The following FHOD3 variants were observed in gnomAD, a reference collection of about 807,000 sequenced individuals.
FHOD3 encodes the protein formin homology 2 domain containing 3.
In FHOD3, 90 loss-of-function variants were observed where a neutral mutation model predicts 173.0. That is an observed-to-expected ratio of 0.52 (90% confidence interval 0.44 to 0.62). The LOEUF (loss-of-function observed/expected upper bound fraction) is 0.62. Among genes scored for constraint, FHOD3 ranks in the 20% least tolerant of loss-of-function variants. The pLI is 0.00. For missense variants in FHOD3, 1,945 were observed against 2,034.7 expected (o/e 0.96, Z 0.85); for synonymous variants, 828 against 823.0 (o/e 1.01, Z -0.10).
intron 5 of FHOD3, among the ~76,000 whole-genome samples, chr18:36,512,966 C>G (rs1311394300): frequency 6.6e-6 from 1 of 152,154 alleles, no homozygotes; most frequent in Admixed American, 6.5e-5. Flanking sequence ...GGGCTTTTGT[C>G]AAAGTGCATA....
intron 6 of FHOD3, among the ~76,000 whole-genome samples, chr18:36,590,381 C>T (rs1033430534): frequency 6.7e-5 from 10 of 148,402 alleles, no homozygotes; most frequent in Middle Eastern, 3.4e-3. Context: ...GAGGTTGGCT[C>T]ATAGAATTCT....
intron 4 of FHOD3, among the ~76,000 whole-genome samples, chr18:36,508,191 A>T (rs1280384448): frequency 6.6e-6 from 1 of 152,180 alleles, no homozygotes. Flanking sequence ...TAGGATTCTT[A>T]AGTTTAACAA....
chr18:36,337,446 A>G (rs1253630330), intron 1 of FHOD3, among the ~76,000 whole-genome samples: 2 of 152,102 alleles, frequency 1.3e-5, no homozygotes, highest in Non-Finnish European at 1.5e-5. Flanking sequence ...GAAGATGACA[A>G]TATGTGTGGA....
chr18:36,749,680 C>G (rs527944165), intron 24 of FHOD3, among the ~76,000 whole-genome samples: 4 of 152,108 alleles, frequency 2.6e-5, no homozygotes, highest in Non-Finnish European at 5.9e-5. Flanking sequence ...TTATATTCCT[C>G]TTGGTATATA....
intron 24 of FHOD3, among the ~76,000 whole-genome samples, chr18:36,748,133 C>T (rs1341852617): frequency 6.6e-6 from 1 of 152,082 alleles, no homozygotes; most frequent in Admixed American, 6.5e-5. Context: ...AGAATCTTCC[C>T]TCCAGGTTGA....
chr18:36,481,796 T>C (rs2053913777), intron 3 of FHOD3, among the ~76,000 whole-genome samples: 1 of 152,184 alleles, frequency 6.6e-6, no homozygotes. Flanking sequence ...AAGACATTCC[T>C]TTGCCTCCTA....
intron 3 of FHOD3, among the ~76,000 whole-genome samples, chr18:36,469,810 G>T (rs2053171564): frequency 6.6e-6 from 1 of 152,108 alleles, no homozygotes; most frequent in Non-Finnish European, 1.5e-5. Context: ...AGTTGTTGGA[G>T]GGTTAAGGGG....
chr18:36,591,579 T>C (rs1168949703), intron 6 of FHOD3, among the ~76,000 whole-genome samples: 1 of 152,140 alleles, frequency 6.6e-6, no homozygotes, highest in African/African-American at 2.4e-5. Context: ...AGGCATATAG[T>C]AGGTGAACAA....
At chr18:36,597,683 C>T (rs1229643380) in intron 7 of FHOD3, among the ~76,000 whole-genome samples, 1 of 152,186 alleles carries the variant, frequency 6.6e-6, no homozygotes, top group Non-Finnish European at 1.5e-5. Flanking sequence ...GCCTTGGCCT[C>T]CCAGAGTGCT....
chr18:36,595,634 G>A (rs2030217781), intron 7 of FHOD3, among the ~76,000 whole-genome samples: 1 of 152,184 alleles, frequency 6.6e-6, no homozygotes, highest in African/African-American at 2.4e-5. Flanking sequence ...CTGTCTCCCA[G>A]AGTGATGTCC....
At chr18:36,370,334 T>C (rs1334597610) in intron 2 of FHOD3, among the ~76,000 whole-genome samples, 1 of 152,148 alleles carries the variant, frequency 6.6e-6, no homozygotes, top group Non-Finnish European at 1.5e-5. Context: ...AGGACTTTTT[T>C]TTTTCTTCTA....
intron 9 of FHOD3, among the ~76,000 whole-genome samples, chr18:36,618,933 T>A (rs1428461839): frequency 5.3e-5 from 8 of 152,174 alleles, no homozygotes; most frequent in Non-Finnish European, 1.2e-4. Context: ...TTCTGACCCC[T>A]CCCTTTCAGT....
chr18:36,343,856 G>C (rs1260493594), intron 1 of FHOD3, among the ~76,000 whole-genome samples: 1 of 152,106 alleles, frequency 6.6e-6, no homozygotes, highest in Non-Finnish European at 1.5e-5. Context: ...CCACTTACAT[G>C]AAGTGTCTAG....
At chr18:36,358,408 A>G (rs931802215) in intron 2 of FHOD3, among the ~76,000 whole-genome samples, 1 of 152,206 alleles carries the variant, frequency 6.6e-6, no homozygotes, top group Non-Finnish European at 1.5e-5. Context: ...AGCTGTTCCC[A>G]AAGAGCCAGG....
intron 6 of FHOD3, among the ~76,000 whole-genome samples, chr18:36,577,989 C>T (rs767342099): frequency 7.2e-5 from 11 of 152,260 alleles, no homozygotes; most frequent in African/African-American, 1.9e-4. Context: ...AAGTGCTGTA[C>T]GGGTGGCACG....
At chr18:36,582,045 G>T (rs923055543) in intron 6 of FHOD3, among the ~76,000 whole-genome samples, 1 of 152,218 alleles carries the variant, frequency 6.6e-6, no homozygotes, top group South Asian at 2.1e-4. Flanking sequence ...GGGGGTCACA[G>T]TTTGACTCTG....
rs371802858 is a variant in FHOD3, at chr18:36,336,607, C to T, written c.166-18932C>T. ...ATCCCAGCACTTTGGGAGTCCGAGG[C>T]GGGCAGATCACCTGAGATCAGGAGT... On this transcript the variant is annotated intron_variant, in intron 1 of 28. Coordinates refer to ENST00000590592, the MANE Select transcript of FHOD3 (RefSeq NM_001281740.3). Among the ~76,000 whole-genome samples, 319 of 150,254 alleles carry T rather than the reference C, an allele frequency of 2.1e-3. 2 individuals are homozygous for T. Among genetic ancestry groups the T allele is most frequent in the African/African-American group, 7.4e-3 (301 of 40,906 alleles).
intron 14 of FHOD3, among the ~76,000 whole-genome samples, chr18:36,667,091 T>G (rs923837741): frequency 6.6e-6 from 1 of 152,260 alleles, no homozygotes; most frequent in Non-Finnish European, 1.5e-5. Context: ...GTTGTGTGTT[T>G]CAATTTCTTT....
chr18:36,472,785 T>C (rs928188232), intron 3 of FHOD3, among the ~76,000 whole-genome samples: 3 of 152,236 alleles, frequency 2.0e-5, no homozygotes, highest in Non-Finnish European at 4.4e-5. Flanking sequence ...AGTGCATGTA[T>C]ATGCCACATT....
Sources: allele counts gnomAD v4.1 joint callset (sites outside exome capture counted in the v4.1 genomes callset), GRCh38; gene constraint gnomAD v4.1.1; transcripts MANE v1.5; gene names NCBI Gene and HGNC (gene_info 2026-07-23, HGNC 2026-07-21).